The following SH3PXD2A variants were observed in gnomAD, a reference collection of about 807,000 sequenced individuals.
SH3PXD2A encodes the protein SH3 and PX domains 2A, also known as SH3 and PX domain-containing protein 2A.
In SH3PXD2A, 32 loss-of-function variants were observed where a neutral mutation model predicts 115.2. That is an observed-to-expected ratio of 0.28 (90% CI 0.21 to 0.37). The LOEUF (loss-of-function observed/expected upper bound fraction) is 0.37. SH3PXD2A is among the 10% of genes least tolerant of loss of function. The pLI, the probability that SH3PXD2A is intolerant of heterozygous loss-of-function variation, is 1.00. For missense variants in SH3PXD2A, 1,328 were observed against 1,498.7 expected, an observed-to-expected ratio of 0.89 and a Z score of 1.88; for synonymous variants, 610 against 629.1, an observed-to-expected ratio of 0.97 and a Z score of 0.45.
chr10:103,649,278 AC>A (rs1230596900), intron 8 of SH3PXD2A, among the ~76,000 whole-genome samples: 1 of 151,726 alleles, frequency 6.6e-6, no homozygotes, highest in Non-Finnish European at 1.5e-5. Flanking sequence ...ACTCCTAATC[AC>A]CCCTCCATGC....
chr10:103,701,206 T>C (rs1265762423), intron 5 of SH3PXD2A, among the ~76,000 whole-genome samples: 8 of 85,858 alleles, frequency 9.3e-5, no homozygotes, highest in African/African-American at 2.3e-4. Context: ...CATCATCCAT[T>C]TACCATCTAT....
chr10:103,768,185 G>C (rs762986733), intron 2 of SH3PXD2A, among the ~76,000 whole-genome samples: 2 of 152,242 alleles, frequency 1.3e-5, no homozygotes, highest in South Asian at 4.1e-4. Context: ...TTTACACTCC[G>C]GTGGAGGGAG....
intron 8 of SH3PXD2A, among the ~76,000 whole-genome samples, chr10:103,633,730 A>C (rs1170138277): frequency 8.5e-6 from 1 of 117,330 alleles, no homozygotes; most frequent in Non-Finnish European, 1.6e-5. Context: ...TCTGTCTCAA[A>C]AAAAAAAAAA....
intron 6 of SH3PXD2A, among the ~76,000 whole-genome samples, 174 bp downstream of exon 6, chr10:103,692,854 T>A (rs1339966580): frequency 6.6e-6 from 1 of 151,834 alleles, no homozygotes; most frequent in Non-Finnish European, 1.5e-5. Flanking sequence ...TCAGGGGCCA[T>A]GGACTGAGGA....
Position 103,599,896 on chromosome 10 carries a change from C to T in SH3PXD2A, c.*1920G>A, listed in dbSNP as rs1175946804. The T allele has an allele frequency of 6.6e-6, 1 of 151,174 alleles. No homozygotes were observed. Among genetic ancestry groups the T allele is most frequent in the African/African-American group, 2.4e-5 (1 of 41,020 alleles). 9.4% of individuals were successfully genotyped at this position (151,174 alleles called of 1,614,324 possible). On this transcript the variant is annotated 3_prime_UTR_variant, in exon 15 of 15. Transcript: ENST00000369774. ...AAACAATCTCACCACAGGCCTTCGA[C>T]AAAGAACACGAGCCATTTGCTCTAG... is the stretch of plus-strand genomic sequence containing the variant.
At chr10:103,754,231 G>C (rs1302127084) in intron 3 of SH3PXD2A, 1 of 152,042 alleles carries the variant, frequency 6.6e-6, no homozygotes, top group Non-Finnish European at 1.5e-5. Flanking sequence ...TTTAGAGACA[G>C]GGTCGCACTC....
intron 1 of SH3PXD2A, among the ~76,000 whole-genome samples, chr10:103,815,718 G>A (rs1386941874): frequency 1.3e-5 from 2 of 151,292 alleles, no homozygotes; most frequent in Non-Finnish European, 2.9e-5. Context: ...GTGAAACCCC[G>A]TCTCTACTAA....
chr10:103,646,116 G>C (rs1181281467), intron 8 of SH3PXD2A, among the ~76,000 whole-genome samples: 4 of 152,108 alleles, frequency 2.6e-5, no homozygotes, highest in African/African-American at 9.7e-5. Context: ...AGTTTCATCG[G>C]TTTCTGATAT....
At chr10:103,651,610 AC>A (rs1163985333) in intron 8 of SH3PXD2A, among the ~76,000 whole-genome samples, 3 of 152,084 alleles carry the variant, frequency 2.0e-5, no homozygotes, top group Non-Finnish European at 4.4e-5. Context: ...AAGTCACTTC[AC>A]CTCTCTGGGC....
At chr10:103,783,050 AC>A (rs1398404004) in intron 2 of SH3PXD2A, among the ~76,000 whole-genome samples, 4 of 152,040 alleles carry the variant, frequency 2.6e-5, no homozygotes, top group Admixed American at 2.6e-4. Context: ...AACAGCAAGG[AC>A]AAAGGCCTGG....
intron 1 of SH3PXD2A, 31 bp downstream of exon 1, chr10:103,855,164 C>T (rs1350309560): frequency 6.6e-7 from 1 of 1,505,036 alleles, no homozygotes; most frequent in Non-Finnish European, 8.9e-7. Context: ...CTCGGGCCAC[C>T]CCCAGCAGGG....
intron 3 of SH3PXD2A, among the ~76,000 whole-genome samples, chr10:103,739,737 T>C (rs955293745): frequency 3.9e-5 from 6 of 152,136 alleles, no homozygotes; most frequent in South Asian, 2.1e-4. Flanking sequence ...GCAAGGAAGA[T>C]TGCACGGGGC....
intron 1 of SH3PXD2A, among the ~76,000 whole-genome samples, chr10:103,808,061 A>G (rs1475473530): frequency 6.6e-6 from 1 of 151,988 alleles, no homozygotes. Context: ...AAGGAGGCAC[A>G]TATACTCCAA....
intron 5 of SH3PXD2A, among the ~76,000 whole-genome samples, chr10:103,708,347 C>G (rs1248382644): frequency 6.6e-6 from 1 of 152,204 alleles, no homozygotes; most frequent in African/African-American, 2.4e-5. Flanking sequence ...CAGGCTCTTT[C>G]CTCTGGTTCC....
At chr10:103,630,745 TAAAAAAA>T (rs57562821) in intron 8 of SH3PXD2A, among the ~76,000 whole-genome samples, 1 of 117,428 alleles carries the variant, frequency 8.5e-6, no homozygotes, top group African/African-American at 3.2e-5. Flanking sequence ...TCCCTTCTCT[TAAAAAAA>T]AAAAAAAAAA....
At chr10:103,744,896 C>T (rs55672765) in intron 3 of SH3PXD2A, among the ~76,000 whole-genome samples, 24,029 of 152,222 alleles carry the variant, frequency 0.16, 2,156 homozygotes, top group South Asian at 0.26. Flanking sequence ...GTTTTGTCTG[C>T]CAGCTTTTAA....
intron 5 of SH3PXD2A, among the ~76,000 whole-genome samples, chr10:103,710,445 T>C (rs1472367152): frequency 6.6e-6 from 1 of 152,200 alleles, no homozygotes; most frequent in Non-Finnish European, 1.5e-5. Context: ...ATACAGTAAT[T>C]GAGCTATTAT....
At chr10:103,680,836 A>G (rs1592298158) in intron 6 of SH3PXD2A, among the ~76,000 whole-genome samples, 1 of 152,202 alleles carries the variant, frequency 6.6e-6, no homozygotes, top group South Asian at 2.1e-4. Context: ...AAACAGACCA[A>G]TTCTAAAAAT....
At chr10:103,813,950 G>A (rs997070014) in intron 1 of SH3PXD2A, among the ~76,000 whole-genome samples, 1 of 147,920 alleles carries the variant, frequency 6.8e-6, no homozygotes. Flanking sequence ...TTGTTCCAGG[G>A]TTGAGAACCA....
Sources: gnomAD v4.1 joint callset for allele counts (sites outside exome capture counted in the v4.1 genomes callset) on GRCh38, gnomAD v4.1.1 for gene constraint, MANE v1.5 for transcripts, NCBI Gene and HGNC (gene_info 2026-07-23, HGNC 2026-07-21) for gene names.